The following USP30 variants were observed in gnomAD, a reference collection of about 807,000 sequenced individuals.
The protein encoded by USP30 is ubiquitin carboxyl-terminal hydrolase 30.
A neutral mutation model predicts 68.2 loss-of-function variants in USP30; 41 were observed. That is an observed-to-expected ratio of 0.60 (90% confidence interval 0.47 to 0.78). The LOEUF (loss-of-function observed/expected upper bound fraction) is 0.78. USP30 is among the 30% of genes least tolerant of loss of function. The pLI is 0.00. For synonymous variants in USP30, 229 were observed against 253.7 expected (o/e 0.90, Z 0.93); for missense variants, 522 against 649.4 (o/e 0.80, Z 2.13).
In USP30 at chr12:109,033,987, C is replaced by A. The variant is rs1268580218; in HGVS notation, c.-136+6431C>A. ...ACTCCAAAAGTCTCCTAGTAAAACC[C>A]TAATCCCTCAGATAATGTGTTCCCA... On this transcript the variant is annotated intron_variant, in intron 3 of 15. Coordinates refer to the USP30 transcript ENST00000392784. Among the ~76,000 whole-genome samples, 3 of 152,264 alleles carry A rather than the reference C, an allele frequency of 2.0e-5. No individual in the cohort carries two copies. The East Asian group carries it at 5.8e-4, about 29-fold the overall frequency.
intron 3 of USP30, among the ~76,000 whole-genome samples, chr12:109,031,044 A>G (rs530385116): frequency 1.3e-5 from 2 of 152,240 alleles, no homozygotes; most frequent in African/African-American, 4.8e-5. Flanking sequence ...TGTCTTTACA[A>G]CTCTCCTGTA....
At position 109,087,997 on chromosome 12, in the gene USP30, T is replaced by C; in HGVS notation, c.*2066T>C. ...TTGTATCTGCTGTGTATTATAGCAA[T>C]AAAATAATCATTTTGTTAGAAAAAA... is the stretch of plus-strand genomic sequence containing the variant. On this transcript the variant is annotated 3_prime_UTR_variant, in exon 13 of 13. Transcript: ENST00000257548. The C allele has an allele frequency of 2.1e-6, 1 of 472,026 alleles. No homozygotes were observed. Among genetic ancestry groups the C allele is most frequent in the Non-Finnish European group, 3.7e-6 (1 of 268,400 alleles). 29.2% of individuals were successfully genotyped at this position (472,026 alleles called of 1,614,324 possible).
intron 1 of USP30, 28 bp downstream of exon 1, chr12:109,052,789 A>G (rs542185451): frequency 1.5e-4 from 212 of 1,437,294 alleles, no homozygotes; most frequent in Middle Eastern, 5.9e-4. Context: ...GGGGCTGCCG[A>G]AGAGGCCGGG....
chr12:109,073,810 A>T (rs1056342291), intron 7 of USP30, among the ~76,000 whole-genome samples: 4 of 152,186 alleles, frequency 2.6e-5, no homozygotes, highest in African/African-American at 4.8e-5. Flanking sequence ...AGTAGATTCT[A>T]GGGCTGGTTT....
Position 109,032,116 on chromosome 12 carries a change from C to T in USP30, c.-136+4560C>T, listed in dbSNP as rs563948229. ...GACTCTGTCAAAAAAAAAAAAAACA[C>T]GGGCAACATGGTGAAACCCGTCTCT... On this transcript the variant is annotated intron_variant, in intron 3 of 15. Coordinates refer to the USP30 transcript ENST00000392784. Among the ~76,000 whole-genome samples the T allele has an allele frequency of 8.1e-5, 12 of 147,542 alleles. No individual in the cohort carries two copies. In the East Asian group the frequency reaches 1.4e-3, roughly 17 times the overall value.
At position 109,087,442 on chromosome 12, in the gene USP30, AC is replaced by A. The variant is rs1399505135; in HGVS notation, c.*1512del. The stretch of plus-strand genomic sequence containing the variant: ...CTGAGGACTCAGTAACTCACTCTCA[AC>A]AGAATATTCTGTGCAGGCTCTCCAG... On this transcript the variant is annotated 3_prime_UTR_variant, in exon 13 of 13. Transcript: ENST00000257548. The A allele has an allele frequency of 1.3e-5, 2 of 152,280 alleles. No homozygotes were observed. Among genetic ancestry groups the A allele is most frequent in the Middle Eastern group, 6.8e-3 (2 of 296 alleles). 9.4% of individuals were successfully genotyped at this position (152,280 alleles called of 1,614,324 possible).
At chr12:109,079,339 C>CTTTTTTTTTTTTTTTT (rs750712233) in intron 7 of USP30, among the ~76,000 whole-genome samples, 12 of 62,242 alleles carry the variant, frequency 1.9e-4, no homozygotes, top group East Asian at 4.8e-4. Flanking sequence ...TTTTCTTTTT[C>CTTTTTTTTTTTTTTTT]TTTTTTTTTT....
chr12:109,085,165 A>G (rs2041910699), intron 12 of USP30, 92 bp downstream of exon 12: 1 of 1,266,546 alleles, frequency 7.9e-7, no homozygotes, highest in Non-Finnish European at 1.0e-6. Context: ...AGGAAAATAT[A>G]GATGTTTATT....
In USP30 at chr12:109,064,977, G is replaced by C. The variant is rs550528086; in HGVS notation, c.377-2547G>C. Among the ~76,000 whole-genome samples, 4 of 152,258 alleles carry C rather than the reference G, an allele frequency of 2.6e-5. No homozygotes were observed. The South Asian group carries it at 8.3e-4, about 32-fold the overall frequency. ...CCTGGGAGGGAAAGGGCTAGCCCCA[G>C]GGTATATACACACTGATGCAGAAGC... is the stretch of plus-strand genomic sequence containing the variant. On this transcript the variant is annotated intron_variant, in intron 3 of 12. Transcript: ENST00000257548.
At chr12:109,030,280 A>G (rs2040471530) in intron 3 of USP30, among the ~76,000 whole-genome samples, 1 of 152,190 alleles carries the variant, frequency 6.6e-6, no homozygotes. Flanking sequence ...CATCTGTAAA[A>G]TAGAGACAGA....
At chr12:109,027,426 C>T (rs2040452650) in intron 2 of USP30, 1 of 152,292 alleles carries the variant, frequency 6.6e-6, no homozygotes, top group South Asian at 2.1e-4. Flanking sequence ...GTGCATGCCA[C>T]CATGCCCAGC....
intron 1 of USP30, among the ~76,000 whole-genome samples, chr12:109,054,529 C>CAA (rs112406436): frequency 1.5e-3 from 230 of 149,690 alleles, no homozygotes; most frequent in African/African-American, 5.0e-3. Flanking sequence ...GACACTGTCT[C>CAA]AAAAAAAAAT....
chr12:109,047,635 T>C (rs887086229), upstream of USP30: 1 of 152,246 alleles, frequency 6.6e-6, no homozygotes, highest in Admixed American at 6.5e-5. Context: ...AAGCAAGCTC[T>C]GCATATTTGA....
intron 1 of USP30, among the ~76,000 whole-genome samples, chr12:109,055,379 CATATAT>C (rs71443831): frequency 0.013 from 753 of 58,912 alleles, 46 homozygotes; most frequent in African/African-American, 0.042. Flanking sequence ...CATATATATA[CATATAT>C]ATATATATAT....
intron 3 of USP30, among the ~76,000 whole-genome samples, chr12:109,059,711 C>T (rs947159794): frequency 6.6e-6 from 1 of 152,060 alleles, no homozygotes; most frequent in Non-Finnish European, 1.5e-5. Context: ...ACAGTGTTCG[C>T]CATGTTAGCC....
chr12:109,027,716 T>C (rs1461954192), intron 3 of USP30, among the ~76,000 whole-genome samples: 1 of 152,266 alleles, frequency 6.6e-6, no homozygotes, highest in East Asian at 1.9e-4. Flanking sequence ...GTAGCATCTA[T>C]CAGAACCTCA....
chr12:109,041,306 C>G (rs1378748847), intron 3 of USP30, among the ~76,000 whole-genome samples: 1 of 152,094 alleles, frequency 6.6e-6, no homozygotes, highest in Non-Finnish European at 1.5e-5. Flanking sequence ...TAATCACATC[C>G]AAGTTCCTGA....
chr12:109,066,247 CA>C lies in USP30; in HGVS notation c.377-1258del, dbSNP rs35466141. Among the ~76,000 whole-genome samples, 742 of 96,008 alleles carry C rather than the reference CA, an allele frequency of 7.7e-3. 2 individuals carry two copies. The highest frequency in any genetic ancestry group is 0.026 in the African/African-American group (558 of 21,080). 63.0% of individuals were successfully genotyped at this position (96,008 alleles called of 152,430 possible). A position where few individuals can be genotyped will look rare whatever the true frequency, so the allele number is the denominator to read the frequency against. On this transcript the variant is annotated intron_variant, in intron 3 of 12. Transcript: ENST00000257548. ...AGCCTGACAGAATGAGACCCTGTCTCAAAAAAAAAAAAAAAAAAAGCAAGCC... is the reference window on the plus strand; with the variant it reads ...AGCCTGACAGAATGAGACCCTGTCTCAAAAAAAAAAAAAAAAAAGCAAGCC...
At position 109,071,634 on chromosome 12, in the gene USP30, T is replaced by C; in HGVS notation, c.503T>C (p.Val168Ala). ...CAGGATGCTCACGAATTATTCCATGTCATTACCTCGTCATTGGAAGATGAG... is the reference window on the plus strand; with the variant it reads ...CAGGATGCTCACGAATTATTCCATGCCATTACCTCGTCATTGGAAGATGAG... ...EEQDAHELFH[V>A]ITSSLEDERD... The change falls in exon 5 of 13, where the codon GTC becomes GCC. Residue 168 changes from valine (V) to alanine (A), a missense_variant. By Grantham distance (64) the Val-to-Ala change is moderately conservative. Transcript: ENST00000257548. 6.2e-7 allele frequency: 1 copy of C among 1,614,208 alleles called. No individual in the cohort carries two copies. The highest frequency in any genetic ancestry group is 8.5e-7 in the Non-Finnish European group (1 of 1,180,028).
Sources: gnomAD v4.1 joint callset for allele counts (sites outside exome capture counted in the v4.1 genomes callset) on GRCh38, gnomAD v4.1.1 for gene constraint, MANE v1.5 for transcripts, NCBI Gene and HGNC (gene_info 2026-07-23, HGNC 2026-07-21) for gene names.